KCNT2: variants seen among roughly 807,000 people sequenced by gnomAD.
KCNT2 encodes the protein potassium sodium-activated channel subfamily T member 2.
KCNT2 carries 67 observed loss-of-function variants against 153.8 expected under a neutral mutation model. The ratio of observed to expected loss-of-function variants is 0.44; its 90% CI spans 0.36 to 0.53. KCNT2 has a LOEUF of 0.53. Ranked by LOEUF, KCNT2 falls within the 20% of genes least tolerant of loss-of-function variation. The pLI is 0.00. For synonymous variants in KCNT2, 500 were observed against 458.8 expected, an observed-to-expected ratio of 1.09 and a Z score of -1.15; for missense variants, 975 against 1,354.8, an observed-to-expected ratio of 0.72 and a Z score of 4.40.
intron 8 of KCNT2, among the ~76,000 whole-genome samples, chr1:196,462,342 A>G (rs914641370): frequency 6.6e-6 from 1 of 151,756 alleles, no homozygotes; most frequent in African/African-American, 2.4e-5. Context: ...GTACCAAGAG[A>G]GCGATGCTAC....
chr1:196,398,726 T>G (rs1216585184), intron 12 of KCNT2, 55 bp from the exon 13 acceptor site: 1 of 947,912 alleles, frequency 1.1e-6, no homozygotes, highest in East Asian at 2.5e-5. Context: ...TTATAACATA[T>G]AAAGTAAAAG....
intron 1 of KCNT2, among the ~76,000 whole-genome samples, chr1:196,498,343 TC>T (rs1295944889): frequency 6.6e-6 from 1 of 152,196 alleles, no homozygotes; most frequent in Admixed American, 6.5e-5. Flanking sequence ...GTGGATAGTC[TC>T]TTTTAAATCT....
intron 1 of KCNT2, among the ~76,000 whole-genome samples, chr1:196,548,617 A>G (rs1035981912): frequency 6.6e-6 from 1 of 152,038 alleles, no homozygotes; most frequent in Non-Finnish European, 1.5e-5. Context: ...GGGATCTAGA[A>G]CTAGAAATAC....
intron 1 of KCNT2, among the ~76,000 whole-genome samples, chr1:196,497,919 T>A (rs970699867): frequency 2.0e-5 from 3 of 152,174 alleles, no homozygotes; most frequent in Non-Finnish European, 2.9e-5. Context: ...ATGTGATGTC[T>A]TTTTTAGATT....
intron 1 of KCNT2, among the ~76,000 whole-genome samples, chr1:196,535,763 A>G (rs573689851): frequency 2.0e-5 from 3 of 152,342 alleles, no homozygotes; most frequent in African/African-American, 7.2e-5. Context: ...TGCAAGCCAC[A>G]AGCCATATGT....
chr1:196,492,775 C>T (rs1041787471), intron 1 of KCNT2, among the ~76,000 whole-genome samples: 2 of 152,220 alleles, frequency 1.3e-5, no homozygotes, highest in South Asian at 4.1e-4. Flanking sequence ...GTCTGGGCAC[C>T]ACCGTGCCAG....
At chr1:196,518,506 A>G (rs1558033395) in intron 1 of KCNT2, among the ~76,000 whole-genome samples, 1 of 151,792 alleles carries the variant, frequency 6.6e-6, no homozygotes, top group African/African-American at 2.4e-5. Flanking sequence ...AGCAAGATCC[A>G]ATGGTATGCT....
At chr1:196,313,867 A>G (rs543996149) in intron 21 of KCNT2, among the ~76,000 whole-genome samples, 22 of 151,736 alleles carry the variant, frequency 1.4e-4, no homozygotes, top group Non-Finnish European at 2.7e-4. Context: ...TACCATAAAA[A>G]CTATATAATT....
At chr1:196,338,811 CTG>C (rs1283487336) in intron 16 of KCNT2, among the ~76,000 whole-genome samples, 1 of 151,544 alleles carries the variant, frequency 6.6e-6, no homozygotes, top group Non-Finnish European at 1.5e-5. Context: ...TGGAAAAAAA[CTG>C]AATGATTCTA....
intron 23 of KCNT2, 139 bp downstream of exon 23, chr1:196,285,518 G>T: frequency 1.8e-6 from 1 of 549,714 alleles, no homozygotes; most frequent in South Asian, 2.8e-5. Flanking sequence ...TTAAGTACAT[G>T]AAATAAAATA....
At chr1:196,510,504 A>C (rs1572684819) in intron 1 of KCNT2, among the ~76,000 whole-genome samples, 1 of 152,320 alleles carries the variant, frequency 6.6e-6, no homozygotes, top group Non-Finnish European at 1.5e-5. Context: ...ACACACTTAA[A>C]CAGATTATAA....
Position 196,608,392 on chromosome 1 carries a change from G to C in KCNT2, c.-83C>G, listed in dbSNP as rs1665552399. On this transcript the variant is annotated 5_prime_UTR_variant, in exon 1 of 28. Transcript: ENST00000294725. ...AAGAAAATATTGCGGAGTACAGGGA[G>C]AGGACTAACAAGACGCTGTGGCCGA... 1 of 1,109,800 alleles carries C rather than the reference G, an allele frequency of 9.0e-7. No individual in the cohort carries two copies. Among genetic ancestry groups the C allele is most frequent in the South Asian group, 1.3e-5 (1 of 79,324 alleles). The allele number at this position is 1,109,800 out of a possible 1,614,324, so 68.7% of individuals were successfully genotyped here. A position where few individuals can be genotyped will look rare whatever the true frequency, so the allele number is the denominator to read the frequency against.
intron 25 of KCNT2, among the ~76,000 whole-genome samples, chr1:196,274,090 C>G (rs1358798828): frequency 6.6e-6 from 1 of 151,498 alleles, no homozygotes; most frequent in Non-Finnish European, 1.5e-5. Flanking sequence ...TTTTCTCCTA[C>G]ATACATATGT....
chr1:196,398,053 A>C (rs907508766), intron 13 of KCNT2, among the ~76,000 whole-genome samples: 1 of 151,474 alleles, frequency 6.6e-6, no homozygotes, highest in Non-Finnish European at 1.5e-5. Flanking sequence ...CAGTACCTTC[A>C]AAAAAGTTCA....
chr1:196,448,187 A>G (rs1675858751), intron 8 of KCNT2, among the ~76,000 whole-genome samples: 1 of 151,588 alleles, frequency 6.6e-6, no homozygotes, highest in African/African-American at 2.4e-5. Context: ...ACTTACTTAA[A>G]AACTCACTTA....
At position 196,489,938 on chromosome 1, in the gene KCNT2, C is replaced by CCTG. The variant is rs1490784752; in HGVS notation, c.176-2_176-1insCAG. The CCTG allele has an allele frequency of 7.1e-7, 1 of 1,417,486 alleles. No homozygotes were observed. The highest frequency in any genetic ancestry group is 9.6e-7 in the Non-Finnish European group (1 of 1,043,480). The allele number at this position is 1,417,486 out of a possible 1,614,324, so 87.8% of individuals were successfully genotyped here. On this transcript the variant is annotated splice_acceptor_variant, in intron 2 of 27. Coordinates refer to ENST00000294725, the MANE Select transcript of KCNT2 (RefSeq NM_198503.5). LOFTEE classifies it high-confidence loss of function. Reference sequence around the variant, plus strand: ...AAATTGAACAGGCGTATCCTTAGACCTTTAAACAAATGATAAAAGTTTGAT... The same window carrying CCTG: ...AAATTGAACAGGCGTATCCTTAGACCCTGTTTAAACAAATGATAAAAGTTTGAT...
At chr1:196,602,436 T>C (rs1015411665) in intron 1 of KCNT2, among the ~76,000 whole-genome samples, 1 of 152,198 alleles carries the variant, frequency 6.6e-6, no homozygotes, top group African/African-American at 2.4e-5. Flanking sequence ...ATGAAATTCA[T>C]ATATTGGAAC....
At chr1:196,350,141 A>T (rs1259825199) in intron 14 of KCNT2, among the ~76,000 whole-genome samples, 3 of 152,112 alleles carry the variant, frequency 2.0e-5, no homozygotes, top group African/African-American at 7.2e-5. Context: ...AGTCTTAGTT[A>T]TTGTGAATAG....
At position 196,334,119 on chromosome 1, in the gene KCNT2, G is replaced by T. The variant is rs1664757197; in HGVS notation, c.1784-59C>A. The stretch of plus-strand genomic sequence containing the variant: ...GTTTGCCATATTGATCACTAGTGTT[G>T]AAGGTTACATGAAATATGAAATATA... On this transcript the variant is annotated intron_variant, in intron 16 of 27. Transcript: ENST00000294725. The T allele has an allele frequency of 1.3e-5, 13 of 1,009,034 alleles. No individual in the cohort carries two copies. The South Asian group carries it at 1.6e-4, about 12-fold the overall frequency. 62.5% of individuals were successfully genotyped at this position (1,009,034 alleles called of 1,614,324 possible). A position where few individuals can be genotyped will look rare whatever the true frequency, so the allele number is the denominator to read the frequency against.
Sources: allele counts gnomAD v4.1 joint callset (sites outside exome capture counted in the v4.1 genomes callset), GRCh38; gene constraint gnomAD v4.1.1; transcripts MANE v1.5; gene names NCBI Gene and HGNC (gene_info 2026-07-23, HGNC 2026-07-21).